TP63: variants seen among roughly 807,000 people sequenced by gnomAD.
TP63 encodes the protein tumor protein 63.
Under a neutral mutation model 82.8 loss-of-function variants are expected in TP63, and 17 were observed. The observed-to-expected ratio is 0.21, with a 90% CI of 0.14 to 0.31. The LOEUF (loss-of-function observed/expected upper bound fraction) is 0.31. Among genes scored for constraint, TP63 ranks in the 10% least tolerant of loss-of-function variants. The pLI is 1.00. For synonymous variants in TP63, 330 were observed against 321.7 expected (o/e 1.03, Z -0.28); for missense variants, 648 against 895.3 (o/e 0.72, Z 3.52).
At chr3:189,660,096 CT>C (rs896446836) in intron 1 of TP63, among the ~76,000 whole-genome samples, 3 of 151,932 alleles carry the variant, frequency 2.0e-5, no homozygotes, top group Non-Finnish European at 4.4e-5. Context: ...GTTGCAATTG[CT>C]TTTGAGGACT....
intron 1 of TP63, among the ~76,000 whole-genome samples, chr3:189,672,712 G>A (rs983216652): frequency 4.3e-5 from 6 of 140,036 alleles, no homozygotes; most frequent in South Asian, 2.3e-4. Flanking sequence ...AAGGAAAGAA[G>A]GAAGGCAGGC....
rs1721505646 is a variant in TP63, at chr3:189,896,778, G to A, written c.*2276G>A. On this transcript the variant is annotated 3_prime_UTR_variant, in exon 14 of 14. Coordinates refer to ENST00000264731, the MANE Select transcript of TP63 (RefSeq NM_003722.5). ...ACCCTTACTGGCTTACCTCCTCATG[G>A]CAGCCTACTCTCCTTGAGTGTATGA... The A allele has an allele frequency of 1.5e-5, 3 of 206,100 alleles. No individual in the cohort carries two copies. Among genetic ancestry groups the A allele is most frequent in the Non-Finnish European group, 3.0e-5 (3 of 100,596 alleles). The allele number at this position is 206,100 out of a possible 1,614,324, so 12.8% of individuals were successfully genotyped here. A position where few individuals can be genotyped will look rare whatever the true frequency, so the allele number is the denominator to read the frequency against.
intron 1 of TP63, among the ~76,000 whole-genome samples, chr3:189,693,781 A>G (rs1278847947): frequency 2.0e-5 from 3 of 152,170 alleles, no homozygotes; most frequent in African/African-American, 7.2e-5. Context: ...GTGCATTTGG[A>G]GCAGATTAAC....
intron 4 of TP63, among the ~76,000 whole-genome samples, chr3:189,854,775 A>G (rs1366420454): frequency 1.3e-5 from 2 of 152,198 alleles, no homozygotes; most frequent in East Asian, 1.9e-4. Context: ...ACAAAATCCT[A>G]TCTATAGGGG....
chr3:189,664,490 G>C (rs1383115726), intron 1 of TP63, among the ~76,000 whole-genome samples: 3 of 152,088 alleles, frequency 2.0e-5, no homozygotes, highest in Non-Finnish European at 4.4e-5. Flanking sequence ...ATGCCACATT[G>C]CATAGACATC....
chr3:189,605,212 A>G, the TP63 span, among the ~76,000 whole-genome samples: 1 of 152,242 alleles, frequency 6.6e-6, no homozygotes, highest in African/African-American at 2.4e-5. Flanking sequence ...TTAGTCAAGA[A>G]GGAAACTCAG....
At chr3:189,664,266 C>G (rs114024501) in intron 1 of TP63, among the ~76,000 whole-genome samples, 6,528 of 152,226 alleles carry the variant, frequency 0.043, 159 homozygotes, top group Middle Eastern at 0.054. Context: ...TAACATAAAT[C>G]TGACATAATT....
chr3:189,780,222 A>G (rs910675086), intron 3 of TP63, among the ~76,000 whole-genome samples: 1 of 152,144 alleles, frequency 6.6e-6, no homozygotes, highest in East Asian at 1.9e-4. Flanking sequence ...GGGTCTACAG[A>G]GCTGCCAAAT....
At chr3:189,781,101 A>C (rs192186315) in intron 3 of TP63, among the ~76,000 whole-genome samples, 193 of 152,306 alleles carry the variant, frequency 1.3e-3, no homozygotes, top group Middle Eastern at 6.8e-3. Context: ...TCGTACTTGC[A>C]AGAGGCTGAG....
intron 9 of TP63, among the ~76,000 whole-genome samples, chr3:189,872,432 C>CACAT (rs1718545636): frequency 6.8e-6 from 1 of 146,342 alleles, no homozygotes; most frequent in Non-Finnish European, 1.5e-5. Flanking sequence ...CACACACACA[C>CACAT]ATATTTTCTC....
chr3:189,745,810 A>G (rs1035609791), intron 3 of TP63, among the ~76,000 whole-genome samples: 24 of 151,286 alleles, frequency 1.6e-4, no homozygotes, highest in African/African-American at 5.6e-4. Context: ...AATAGACTAG[A>G]TCAAGCAGAA....
intron 3 of TP63, among the ~76,000 whole-genome samples, chr3:189,758,620 A>G (rs1285867449): frequency 6.6e-6 from 1 of 152,174 alleles, no homozygotes; most frequent in African/African-American, 2.4e-5. Context: ...AAGCTTTTTA[A>G]TAAACTTTCA....
intron 3 of TP63, among the ~76,000 whole-genome samples, chr3:189,765,392 G>A (rs1722862700): frequency 7.0e-6 from 1 of 143,880 alleles, no homozygotes; most frequent in East Asian, 2.0e-4. Context: ...AAGGAAAATT[G>A]GGGTTTTCAA....
rs185636159 is a variant in TP63 at position 189,644,585 on chromosome 3, G to A, written c.62+13008G>A. On this transcript the variant is annotated intron_variant, in intron 1 of 13. Transcript: ENST00000264731. ...ACGTGGTTTTTGGTTACATGGATAC[G>A]TTTTTTAATGCTGATTTCTGGGATT... Among the ~76,000 whole-genome samples the A allele has an allele frequency of 9.9e-5, 15 of 152,150 alleles. No individual in the cohort carries two copies. The East Asian group carries it at 2.3e-3, about 24-fold the overall frequency.
chr3:189,649,235 G>A (rs1420096079), intron 1 of TP63, among the ~76,000 whole-genome samples: 1 of 146,742 alleles, frequency 6.8e-6, no homozygotes, highest in African/African-American at 2.6e-5. Flanking sequence ...GCAAAGAAAT[G>A]GAATCAACAT....
intron 3 of TP63, among the ~76,000 whole-genome samples, chr3:189,753,285 C>G (rs1721953037): frequency 6.6e-6 from 1 of 152,066 alleles, no homozygotes; most frequent in Admixed American, 6.5e-5. Context: ...TCTCTCCTAT[C>G]AAATATGTCA....
intron 4 of TP63, among the ~76,000 whole-genome samples, chr3:189,830,931 T>C (rs751166319): frequency 6.6e-6 from 1 of 152,188 alleles, no homozygotes; most frequent in Non-Finnish European, 1.5e-5. Context: ...TGTAGGATTA[T>C]TTAAGGTTTG....
intron 4 of TP63, among the ~76,000 whole-genome samples, chr3:189,819,265 A>G (rs190243793): frequency 6.6e-6 from 1 of 152,234 alleles, no homozygotes; most frequent in African/African-American, 2.4e-5. Flanking sequence ...GAAGTTATAT[A>G]AGTATAAGCA....
At chr3:189,741,715 A>C (rs1196028621) in intron 3 of TP63, among the ~76,000 whole-genome samples, 4 of 152,192 alleles carry the variant, frequency 2.6e-5, no homozygotes, top group African/African-American at 9.7e-5. Context: ...TTTTTGATAC[A>C]ACCTAAACAT....
Sources: gnomAD v4.1 joint callset for allele counts (sites outside exome capture counted in the v4.1 genomes callset) on GRCh38, gnomAD v4.1.1 for gene constraint, MANE v1.5 for transcripts, NCBI Gene and HGNC (gene_info 2026-07-23, HGNC 2026-07-21) for gene names.